The following LRCH2 variants were observed in gnomAD, a reference collection of about 807,000 sequenced individuals.
LRCH2 encodes the protein leucine rich repeats and calponin homology domain containing 2.
LRCH2 carries 38 observed loss-of-function variants against 68.9 expected under a neutral mutation model. The ratio of observed to expected loss-of-function variants is 0.55; its 90% CI spans 0.43 to 0.72. The LOEUF is 0.72. LRCH2 is among the 30% of genes least tolerant of loss of function. The pLI is 0.00. For synonymous variants in LRCH2, 191 were observed against 208.1 expected (o/e 0.92, Z 0.71); for missense variants, 528 against 572.9 (o/e 0.92, Z 0.80).
intron 1 of LRCH2, among the ~76,000 whole-genome samples, chrX:115,197,845 TCTCA>T (rs1362460990): frequency 7.0e-5 from 2 of 28,632 alleles, no homozygotes; most frequent in Admixed American, 5.9e-4. Flanking sequence ...TCTCTCTCTC[TCTCA>T]CACACACACA....
chrX:115,194,401 G>C (rs918724026), intron 1 of LRCH2, among the ~76,000 whole-genome samples: 1 of 111,932 alleles, frequency 8.9e-6, no homozygotes, highest in African/African-American at 3.2e-5. Flanking sequence ...AGAAAGTGAA[G>C]TCACTGTTTT....
Position 115,163,764 on chromosome X carries a change from G to C in LRCH2, c.1375C>G (p.Leu459Val). ...AAATCATCATCCTCTTCCTCTGCCA[G>C]TAACTGTTCTTTCTCAAGTCTGAAA... is the stretch of plus-strand genomic sequence containing the variant. ...DEKRLEKEQLLAEEEDDDLKE... is the reference protein window; with the variant it reads ...DEKRLEKEQLVAEEEDDDLKE... Residue 459 changes from leucine (L) to valine (V), a missense_variant, in exon 11 of 21, where the codon CTG becomes GTG. Physicochemically the swap from Leu to Val is conservative, Grantham distance 32. Coordinates refer to ENST00000317135, the MANE Select transcript of LRCH2 (RefSeq NM_020871.4). The C allele has an allele frequency of 1.7e-6, 2 of 1,193,167 alleles. No homozygotes were observed. Among genetic ancestry groups the C allele is most frequent in the South Asian group, 3.7e-5 (2 of 54,016 alleles).
intron 1 of LRCH2, among the ~76,000 whole-genome samples, chrX:115,232,665 C>T (rs1290636513): frequency 1.8e-5 from 2 of 111,731 alleles, no homozygotes; most frequent in Non-Finnish European, 3.8e-5. Context: ...AATTTACTTA[C>T]TATATTGTTT....
In LRCH2 at chrX:115,110,645, C is replaced by T. The variant is rs1285791414; in HGVS notation, c.*2571G>A. ...TTCTTTCAACTTTATCCACAGTTTG[C>T]ATCGGTAATATACATTTAAGTGTTC... On this transcript the variant is annotated 3_prime_UTR_variant, in exon 21 of 21. Coordinates refer to ENST00000317135, the MANE Select transcript of LRCH2 (RefSeq NM_020871.4). 8.9e-6 allele frequency: 1 copy of T among 111,881 alleles called. No homozygotes were observed. The highest frequency in any genetic ancestry group is 1.9e-5 in the Non-Finnish European group (1 of 53,111). 9.2% of individuals were successfully genotyped at this position (111,881 alleles called of 1,213,427 possible).
chrX:115,221,508 G>A (rs1556573887), intron 1 of LRCH2, among the ~76,000 whole-genome samples: 1 of 109,661 alleles, frequency 9.1e-6, no homozygotes, highest in Non-Finnish European at 1.9e-5. Context: ...GAAGAAGCAG[G>A]CTTAATTGAA....
chrX:115,189,564 AG>A, intron 1 of LRCH2: 2 of 1,175,089 alleles, frequency 1.7e-6, no homozygotes, highest in Non-Finnish European at 1.1e-6. Flanking sequence ...TCCTGATGAA[AG>A]ACCGAAAAAC....
At chrX:115,147,607 ATGTT>A (rs1556536813) in intron 14 of LRCH2, among the ~76,000 whole-genome samples, 2 of 111,679 alleles carry the variant, frequency 1.8e-5, no homozygotes, top group African/African-American at 6.5e-5. Flanking sequence ...ATTATAGAAG[ATGTT>A]TATTTTATAA....
chrX:115,198,024 A>G (rs1365322399), intron 1 of LRCH2, among the ~76,000 whole-genome samples: 1 of 50,706 alleles, frequency 2.0e-5, no homozygotes, highest in Non-Finnish European at 3.4e-5. Flanking sequence ...AGAATGAACA[A>G]AGCTTTTTCT....
chrX:115,219,900 C>T (rs782816835), intron 1 of LRCH2, among the ~76,000 whole-genome samples: 2 of 111,470 alleles, frequency 1.8e-5, no homozygotes, highest in African/African-American at 6.5e-5. Flanking sequence ...TGAGCCTTGC[C>T]TATGTGGCCT....
chrX:115,113,674 C>T (rs185893382), intron 20 of LRCH2, among the ~76,000 whole-genome samples: 39 of 111,280 alleles, frequency 3.5e-4, no homozygotes, highest in Non-Finnish European at 6.6e-4. Context: ...AAAGCATATG[C>T]CCACTAAAAC....
chrX:115,203,240 C>A (rs1482344540), intron 1 of LRCH2, among the ~76,000 whole-genome samples: 1 of 111,544 alleles, frequency 9.0e-6, no homozygotes, highest in Non-Finnish European at 1.9e-5. Flanking sequence ...AGGGAAACCA[C>A]TCTCATGATC....
At chrX:115,228,860 C>A (rs1449443629) in intron 1 of LRCH2, among the ~76,000 whole-genome samples, 1 of 110,858 alleles carries the variant, frequency 9.0e-6, no homozygotes, top group African/African-American at 3.3e-5. Context: ...AGCCTTATGC[C>A]ACAGTTCCAG....
chrX:115,189,017 T>C (rs2072756506), intron 1 of LRCH2, among the ~76,000 whole-genome samples: 1 of 111,603 alleles, frequency 9.0e-6, no homozygotes. Context: ...CTGCCTCTTC[T>C]TTTACAGCCA....
intron 6 of LRCH2, among the ~76,000 whole-genome samples, chrX:115,167,470 G>A (rs920205033): frequency 2.8e-5 from 3 of 108,716 alleles, no homozygotes; most frequent in African/African-American, 3.3e-5. Context: ...AATTCTCCTC[G>A]GTAAAGTTAG....
Position 115,183,564 on chromosome X carries a change from G to A in LRCH2, c.621+847C>T, listed in dbSNP as rs782478922. Among the ~76,000 whole-genome samples the A allele has an allele frequency of 7.2e-5, 8 of 110,482 alleles. No individual in the cohort carries two copies. In the East Asian group the frequency reaches 1.1e-3, roughly 16 times the overall value. Reference sequence around the variant, plus strand: ...GCAAAAATAAGTTGGGTGTGGTGGCGCATGGCTGTAATCCCAACGACTTGG... The same window carrying A: ...GCAAAAATAAGTTGGGTGTGGTGGCACATGGCTGTAATCCCAACGACTTGG... On this transcript the variant is annotated intron_variant, in intron 3 of 20. Coordinates refer to ENST00000317135, the MANE Select transcript of LRCH2 (RefSeq NM_020871.4).
At chrX:115,180,665 T>C (rs1556552181) in intron 3 of LRCH2, among the ~76,000 whole-genome samples, 1 of 111,524 alleles carries the variant, frequency 9.0e-6, no homozygotes, top group Non-Finnish European at 1.9e-5. Context: ...GGGAGGAGAA[T>C]AGTACATACA....
chrX:115,203,149 CAGGCA>C (rs2072941624), intron 1 of LRCH2, among the ~76,000 whole-genome samples: 1 of 111,311 alleles, frequency 9.0e-6, no homozygotes, highest in Non-Finnish European at 1.9e-5. Context: ...CACAAGATGG[CAGGCA>C]GGGCAGGGGA....
chrX:115,133,567 G>A (rs1223852157), intron 14 of LRCH2, among the ~76,000 whole-genome samples: 1 of 111,918 alleles, frequency 8.9e-6, no homozygotes, highest in Non-Finnish European at 1.9e-5. Flanking sequence ...CCAATAGCAC[G>A]TACTCACTTC....
In LRCH2 at chrX:115,191,755, C is replaced by T. The variant is rs374419403; in HGVS notation, c.350-3385G>A. 2.2e-4 allele frequency: 254 copies of T among 1,147,477 alleles called. No individual in the cohort carries two copies. The African/African-American group carries it at 3.3e-3, about 15-fold the overall frequency. 94.6% of individuals were successfully genotyped at this position (1,147,477 alleles called of 1,213,427 possible). A position where few individuals can be genotyped will look rare whatever the true frequency, so the allele number is the denominator to read the frequency against. On this transcript the variant is annotated intron_variant, in intron 1 of 20. Coordinates refer to ENST00000317135, the MANE Select transcript of LRCH2 (RefSeq NM_020871.4). ...CCATGACAGTTCCAGCCGGAGCCAC[C>T]GCTACGGAGGAGGAGGCCGCTACGA... is the stretch of plus-strand genomic sequence containing the variant.
Sources: allele counts gnomAD v4.1 joint callset (sites outside exome capture counted in the v4.1 genomes callset), GRCh38; gene constraint gnomAD v4.1.1; transcripts MANE v1.5; gene names NCBI Gene and HGNC (gene_info 2026-07-23, HGNC 2026-07-21).